BEND3: variants seen among roughly 807,000 people sequenced by gnomAD.
BEND3 encodes the protein BEN domain-containing protein 3.
In BEND3, 13 loss-of-function variants were observed where a neutral mutation model predicts 60.1. The observed-to-expected ratio is 0.22, with a 90% CI of 0.14 to 0.34. BEND3 has a LOEUF of 0.34. Among genes scored for constraint, BEND3 ranks in the 10% least tolerant of loss-of-function variants. The probability of loss-of-function intolerance (pLI) is 1.00; values close to 1 mark genes in which losing one functional copy is unlikely to be tolerated. For missense variants in BEND3, 896 were observed against 1,138.1 expected (o/e 0.79, Z 3.06); for synonymous variants, 497 against 491.5 (o/e 1.01, Z -0.15).
chr6:107,099,689 C>T (rs912840477), intron 1 of BEND3, among the ~76,000 whole-genome samples: 4 of 152,086 alleles, frequency 2.6e-5, no homozygotes, highest in Non-Finnish European at 5.9e-5. Flanking sequence ...GCCATGGATC[C>T]TGAAATCTTA....
At chr6:107,099,618 A>C (rs963473661) in intron 1 of BEND3, among the ~76,000 whole-genome samples, 3 of 152,202 alleles carry the variant, frequency 2.0e-5, no homozygotes, top group African/African-American at 7.2e-5. Flanking sequence ...AATTTTAATT[A>C]TCTCTTTTAA....
chr6:107,094,520 C>A (rs1554235681), intron 3 of BEND3, among the ~76,000 whole-genome samples: 1 of 151,838 alleles, frequency 6.6e-6, no homozygotes, highest in African/African-American at 2.4e-5. Context: ...ACTCGGGAGG[C>A]TGAGGCAGGA....
intron 3 of BEND3, among the ~76,000 whole-genome samples, chr6:107,073,253 ATATATATATATG>A (rs1554232352): frequency 8.8e-4 from 20 of 22,618 alleles, no homozygotes; most frequent in African/African-American, 1.7e-3. Flanking sequence ...ATATATATAT[ATATATATATATG>A]TATGTGAGCA....
intron 3 of BEND3, among the ~76,000 whole-genome samples, chr6:107,090,664 T>C (rs976954382): frequency 6.6e-6 from 1 of 152,180 alleles, no homozygotes; most frequent in South Asian, 2.1e-4. Flanking sequence ...TTGGACTCTT[T>C]TGTTATTATA....
At position 107,069,041 on chromosome 6, in the gene BEND3, G is replaced by C. The variant is rs1554231317; in HGVS notation, c.2150C>G (p.Ser717Cys). 6.2e-7 allele frequency: 1 copy of C among 1,613,684 alleles called. No homozygotes were observed. Among genetic ancestry groups the C allele is most frequent in the Admixed American group, 1.7e-5 (1 of 60,028 alleles). Residue 717 changes from serine to cysteine, a missense_variant, in exon 4 of 4, where the codon TCT (serine) becomes TGT (cysteine). By Grantham distance (112) the Ser-to-Cys change is moderately radical (BLOSUM62 -1). Coordinates refer to ENST00000369042, the MANE Select transcript of BEND3 (RefSeq NM_001367314.1). The part of the protein sequence containing the change: ...VVPSPDFPVP[S>C]PYLLSDKEVR... ...CTCCTTGTCAGACAGCAGGTAGGGA[G>C]AAGGCACCGGGAAGTCAGGCGAGGG...
chr6:107,112,784 C>T (rs1770139983), intron 1 of BEND3, among the ~76,000 whole-genome samples: 1 of 148,330 alleles, frequency 6.7e-6, no homozygotes, highest in African/African-American at 2.5e-5. Flanking sequence ...ACCCAGGAGG[C>T]AGAGGTTGCG....
At chr6:107,099,413 A>G in intron 1 of BEND3, 117 bp from the exon 2 acceptor site, 2 of 827,184 alleles carry the variant, frequency 2.4e-6, no homozygotes, top group Non-Finnish European at 4.0e-6. Flanking sequence ...ACAGAGCAGC[A>G]CAGCACTGTG....
chr6:107,114,054 G>C (rs375190423), intron 1 of BEND3: 2 of 152,230 alleles, frequency 1.3e-5, no homozygotes, highest in East Asian at 1.9e-4. Flanking sequence ...TTTACGTGCA[G>C]AATTCTTCCA....
chr6:107,107,358 T>A (rs1775838559), intron 1 of BEND3, among the ~76,000 whole-genome samples: 1 of 152,216 alleles, frequency 6.6e-6, no homozygotes, highest in South Asian at 2.1e-4. Flanking sequence ...TCAAAAAGTT[T>A]TTGTGAAAAC....
intron 3 of BEND3, among the ~76,000 whole-genome samples, chr6:107,094,817 C>T (rs1474904278): frequency 3.1e-5 from 3 of 96,318 alleles, no homozygotes; most frequent in East Asian, 7.2e-4. Flanking sequence ...TATGTCACTG[C>T]CTTTTTTTTT....
chr6:107,103,863 G>A lies in BEND3; in HGVS notation c.-11-4567C>T, dbSNP rs150093231. ...CTCAGGAGGCTGAGGCAGGAGAATC[G>A]CTTGAATCCGGGAGGCGGAGGTTGT... On this transcript the variant is annotated intron_variant, in intron 1 of 3. Transcript: ENST00000369042. 7.1e-3 allele frequency among the ~76,000 whole-genome samples: 1,068 copies of A among 151,100 alleles called. 23 individuals are homozygous for A. The highest frequency in any genetic ancestry group is 0.025 in the African/African-American group (1,041 of 41,066).
chr6:107,104,482 G>A (rs1432051415), intron 1 of BEND3, among the ~76,000 whole-genome samples: 3 of 152,016 alleles, frequency 2.0e-5, no homozygotes, highest in African/African-American at 7.2e-5. Context: ...AAGACTCCCA[G>A]TGACACCCAA....
intron 1 of BEND3, among the ~76,000 whole-genome samples, chr6:107,110,030 C>CAA (rs10708512): frequency 8.0e-6 from 1 of 125,560 alleles, no homozygotes; most frequent in African/African-American, 3.0e-5. Flanking sequence ...GACCCTGACT[C>CAA]AAAAAAAAAA....
intron 3 of BEND3, among the ~76,000 whole-genome samples, chr6:107,080,394 GA>G (rs58434022): frequency 0.042 from 5,192 of 124,060 alleles, 333 homozygotes; most frequent in African/African-American, 0.14. Flanking sequence ...ACAGGAAAAA[GA>G]AAAAAAGAAA....
In BEND3 at chr6:107,069,079, G is replaced by A. The variant is rs147026950; in HGVS notation, c.2112C>T (p.Asp704=). The A allele has an allele frequency of 5.0e-6, 8 of 1,613,136 alleles. No individual in the cohort carries two copies. The highest frequency in any genetic ancestry group is 4.0e-5 in the African/African-American group (3 of 74,890). Residue 704 remains aspartate, a synonymous_variant, in exon 4 of 4, where the codon GAC becomes GAT. Coordinates refer to ENST00000369042, the MANE Select transcript of BEND3 (RefSeq NM_001367314.1). ...SSKDFCKIPL[D]ELVVPSPDFP... ...AGTCAGGCGAGGGGACCACCAGCTC[G>A]TCCAAGGGGATCTTGCAAAAGTCCT...
chr6:107,071,779 A>G (rs936520877), intron 3 of BEND3, among the ~76,000 whole-genome samples: 2 of 152,246 alleles, frequency 1.3e-5, no homozygotes, highest in Non-Finnish European at 2.9e-5. Context: ...GTCGTAGTGT[A>G]TGATTCCATT....
In BEND3 at chr6:107,068,824, C is replaced by G; in HGVS notation, c.2367G>C (p.Pro789=). The G allele has an allele frequency of 6.2e-7, 1 of 1,614,102 alleles. No homozygotes were observed. The highest frequency in any genetic ancestry group is 8.5e-7 in the Non-Finnish European group (1 of 1,180,042). Residue 789 remains proline, a synonymous_variant, in exon 4 of 4, where the codon CCG becomes CCC. Transcript: ENST00000369042. This position sits in a 1 kb window ranked among gnomAD's most constrained non-coding sequence, Gnocchi z 5.8. ...GCCACACCTCCTCCATCTTCTCCAC[C>G]GGGTAGACGGCTTCCACGTAGTGGC... ...LIRHYVEAVY[P]VEKMEEVWHY...
intron 1 of BEND3, among the ~76,000 whole-genome samples, chr6:107,109,575 T>C (rs942365462): frequency 1.3e-5 from 2 of 150,266 alleles, no homozygotes; most frequent in African/African-American, 2.5e-5. Context: ...CCCATCTCTA[T>C]AAAAAATACA....
chr6:107,084,719 C>T (rs1239108667), intron 3 of BEND3, among the ~76,000 whole-genome samples: 2 of 152,162 alleles, frequency 1.3e-5, no homozygotes, highest in Non-Finnish European at 1.5e-5. Flanking sequence ...ATTGTAAACA[C>T]ACCAATCAGC....
Sources: gnomAD v4.1 joint callset for allele counts (sites outside exome capture counted in the v4.1 genomes callset) on GRCh38, gnomAD v4.1.1 for gene constraint, Gnocchi (gnomAD v3.1) non-coding constraint, MANE v1.5 for transcripts, NCBI Gene and HGNC (gene_info 2026-07-23, HGNC 2026-07-21) for gene names.